The following KCNJ6 variants were observed in gnomAD, a reference collection of about 807,000 sequenced individuals.
The protein encoded by KCNJ6 is potassium inwardly rectifying channel subfamily J member 6.
A neutral mutation model predicts 34.2 loss-of-function variants in KCNJ6; 9 were observed. The observed-to-expected ratio is 0.26, with a 90% confidence interval of 0.16 to 0.46. KCNJ6 has a LOEUF of 0.46. KCNJ6 is among the 20% of genes least tolerant of loss of function. KCNJ6 has a pLI of 1.00. For synonymous variants in KCNJ6, 196 were observed against 207.1 expected (o/e 0.95, Z 0.46); for missense variants, 236 against 531.3 (o/e 0.44, Z 5.46).
chr21:37,907,431 C>T (rs1279983230), intron 1 of KCNJ6, among the ~76,000 whole-genome samples: 1 of 152,160 alleles, frequency 6.6e-6, no homozygotes, highest in Non-Finnish European at 1.5e-5. Flanking sequence ...TTGACTGAGC[C>T]TGAAGGGCAT....
intron 3 of KCNJ6, among the ~76,000 whole-genome samples, chr21:37,663,615 C>T (rs1277834159): frequency 1.3e-5 from 2 of 152,130 alleles, no homozygotes; most frequent in Non-Finnish European, 2.9e-5. Context: ...TATGGGACAA[C>T]ATGGATGAAG....
intron 2 of KCNJ6, 98 bp from the exon 3 acceptor site, chr21:37,715,229 A>T: frequency 9.7e-7 from 1 of 1,027,234 alleles, no homozygotes. Context: ...GAAACCAAAT[A>T]CCATTTGTGT....
At chr21:37,867,251 A>G (rs2055627178) in intron 1 of KCNJ6, among the ~76,000 whole-genome samples, 1 of 152,146 alleles carries the variant, frequency 6.6e-6, no homozygotes, top group Admixed American at 6.5e-5. Context: ...TCATCCTTTA[A>G]TAACACCTGA....
intron 3 of KCNJ6, among the ~76,000 whole-genome samples, chr21:37,643,634 C>A (rs1193988670): frequency 6.6e-6 from 1 of 152,176 alleles, no homozygotes; most frequent in East Asian, 1.9e-4. Flanking sequence ...TGATACCACC[C>A]AGATGTGGAC....
intron 1 of KCNJ6, among the ~76,000 whole-genome samples, chr21:37,856,699 A>T (rs1431816234): frequency 1.3e-5 from 2 of 152,172 alleles, no homozygotes; most frequent in African/African-American, 2.4e-5. Context: ...TGGGTATATC[A>T]TGTGTATTAT....
At chr21:37,881,725 C>T (rs1279570158) in intron 1 of KCNJ6, among the ~76,000 whole-genome samples, 2 of 152,092 alleles carry the variant, frequency 1.3e-5, no homozygotes, top group Admixed American at 6.6e-5. Context: ...CATGATGGGC[C>T]CCACCTTCAT....
chr21:37,734,977 C>A (rs531112061), intron 2 of KCNJ6, among the ~76,000 whole-genome samples: 1 of 152,134 alleles, frequency 6.6e-6, no homozygotes, highest in African/African-American at 2.4e-5. Flanking sequence ...GATGGGCACA[C>A]CCCCACTATG....
At chr21:37,883,107 T>C (rs1396834307) in intron 1 of KCNJ6, among the ~76,000 whole-genome samples, 6 of 152,220 alleles carry the variant, frequency 3.9e-5, no homozygotes, top group African/African-American at 1.2e-4. Context: ...AGACCTGAAG[T>C]CTAGCTCCCA....
rs964299969 is a variant in KCNJ6, at chr21:37,887,490, G to C, written c.-28+28394C>G. 3.3e-5 allele frequency among the ~76,000 whole-genome samples: 5 copies of C among 152,190 alleles called. No homozygotes were observed. The South Asian group carries it at 1.0e-3, about 32-fold the overall frequency. ...CAGCAGTGAATAAGACAAAGTCCTT[G>C]CCTTCATGGAGCTTGCATTTTGGTG... On this transcript the variant is annotated intron_variant, in intron 1 of 3. Transcript: ENST00000609713.
intron 3 of KCNJ6, among the ~76,000 whole-genome samples, chr21:37,632,654 A>G (rs1005538288): frequency 5.3e-5 from 8 of 152,192 alleles, no homozygotes; most frequent in Non-Finnish European, 1.2e-4. Flanking sequence ...GCAAAAATAA[A>G]TGGCATTGGG....
Position 37,673,666 on chromosome 21 carries a change from C to G in KCNJ6, c.946+40545G>C, listed in dbSNP as rs62221627. 8.0e-3 allele frequency among the ~76,000 whole-genome samples: 1,217 copies of G among 152,282 alleles called. 9 individuals carry two copies. Among genetic ancestry groups the G allele is most frequent in the Non-Finnish European group, 0.013 (854 of 68,036 alleles). ...CACAGGCACTGACATGCATAACCAG[C>G]AGACAGATGGGTATGTTTAATTTTA... is the stretch of plus-strand genomic sequence containing the variant. On this transcript the variant is annotated intron_variant, in intron 3 of 3. Transcript: ENST00000609713.
chr21:37,730,872 C>T (rs961675247), intron 2 of KCNJ6, among the ~76,000 whole-genome samples: 2 of 152,198 alleles, frequency 1.3e-5, no homozygotes, highest in African/African-American at 2.4e-5. Flanking sequence ...AAAGCCAACC[C>T]TTACTGAATA....
At chr21:37,698,723 G>T (rs2054675507) in intron 3 of KCNJ6, among the ~76,000 whole-genome samples, 1 of 149,318 alleles carries the variant, frequency 6.7e-6, no homozygotes, top group Non-Finnish European at 1.5e-5. Context: ...TTGAGACAGA[G>T]TCTTGCTCTG....
At chr21:37,803,272 A>C (rs531932863) in intron 2 of KCNJ6, among the ~76,000 whole-genome samples, 3 of 152,274 alleles carry the variant, frequency 2.0e-5, no homozygotes, top group Non-Finnish European at 2.9e-5. Flanking sequence ...CTTGAAGCTT[A>C]ATTTCCCATT....
chr21:37,875,851 C>A (rs983007442), intron 1 of KCNJ6, among the ~76,000 whole-genome samples: 1 of 152,142 alleles, frequency 6.6e-6, no homozygotes, highest in Non-Finnish European at 1.5e-5. Flanking sequence ...CTCATTTATT[C>A]TTTTAGTACT....
intron 2 of KCNJ6, among the ~76,000 whole-genome samples, chr21:37,736,382 T>G (rs564338820): frequency 3.9e-5 from 6 of 152,324 alleles, no homozygotes. Flanking sequence ...TTTATGAGCA[T>G]GGGCTTTCCT....
intron 1 of KCNJ6, among the ~76,000 whole-genome samples, chr21:37,904,460 T>C (rs1306337795): frequency 6.6e-6 from 1 of 152,194 alleles, no homozygotes; most frequent in African/African-American, 2.4e-5. Flanking sequence ...GTTCATTTTT[T>C]TTTGGTATCA....
intron 3 of KCNJ6, among the ~76,000 whole-genome samples, chr21:37,663,595 G>T (rs9984643): frequency 0.37 from 56,809 of 151,972 alleles, 10,707 homozygotes; most frequent in Admixed American, 0.42. Flanking sequence ...CAGTGGTATA[G>T]CTATACTAAT....
intron 3 of KCNJ6, among the ~76,000 whole-genome samples, chr21:37,690,861 C>T (rs1299122336): frequency 6.6e-6 from 1 of 151,188 alleles, no homozygotes; most frequent in Admixed American, 6.6e-5. Context: ...CTCACTGCAA[C>T]CTCTGCTTCC....
Sources: allele counts gnomAD v4.1 joint callset (sites outside exome capture counted in the v4.1 genomes callset), GRCh38; gene constraint gnomAD v4.1.1; transcripts MANE v1.5; gene names NCBI Gene and HGNC (gene_info 2026-07-23, HGNC 2026-07-21).